SRRM3: variants seen among roughly 807,000 people sequenced by gnomAD.
The protein encoded by SRRM3 is serine/arginine repetitive matrix protein 3.
Under a neutral mutation model 66.2 loss-of-function variants are expected in SRRM3, and 27 were observed. The ratio of observed to expected loss-of-function variants is 0.41; its 90% CI spans 0.30 to 0.56. SRRM3 has a LOEUF of 0.56. SRRM3 is among the 20% of genes least tolerant of loss of function. The probability of loss-of-function intolerance (pLI) is 0.32; values close to 1 mark genes in which losing one functional copy is unlikely to be tolerated. For missense variants in SRRM3, 918 were observed against 991.9 expected (o/e 0.93, Z 1.00); for synonymous variants, 391 against 414.9 (o/e 0.94, Z 0.70).
chr7:76,259,801 T>TAGC (rs2117055279), intron 3 of SRRM3, 105 bp from the exon 4 acceptor site: 1 of 1,547,074 alleles, frequency 6.5e-7, no homozygotes, highest in East Asian at 2.3e-5. Context: ...CCCAGCCGGG[T>TAGC]AGCAGCCCGC....
At chr7:76,209,180 A>G (rs1250229892) in intron 1 of SRRM3, among the ~76,000 whole-genome samples, 15 of 152,166 alleles carry the variant, frequency 9.9e-5, no homozygotes, top group African/African-American at 3.6e-4. Context: ...AGACTATACA[A>G]TCGACATTTA....
intron 3 of SRRM3, among the ~76,000 whole-genome samples, chr7:76,249,929 C>T (rs1801534472): frequency 6.6e-6 from 1 of 151,966 alleles, no homozygotes; most frequent in Non-Finnish European, 1.5e-5. Flanking sequence ...GGGTAAAGGT[C>T]TCTTAAACAA....
chr7:76,225,640 G>A (rs182425346), intron 1 of SRRM3, among the ~76,000 whole-genome samples: 1 of 152,158 alleles, frequency 6.6e-6, no homozygotes, highest in Non-Finnish European at 1.5e-5. Context: ...CCAGTGCTCT[G>A]GGAAGCCAAG....
chr7:76,243,357 G>A (rs1801356266), intron 2 of SRRM3, among the ~76,000 whole-genome samples: 1 of 152,142 alleles, frequency 6.6e-6, no homozygotes. Flanking sequence ...GACACTCAGA[G>A]GTGGTGGTCA....
At chr7:76,234,918 T>C in intron 1 of SRRM3, 110 bp from the exon 2 acceptor site, 1 of 676,878 alleles carries the variant, frequency 1.5e-6, no homozygotes. Flanking sequence ...AGGAAGCGGA[T>C]TAGAGCCATG....
chr7:76,287,027 G>C lies in SRRM3; in HGVS notation c.*1184G>C, dbSNP rs1225347098. The C allele has an allele frequency of 2.0e-5, 3 of 152,700 alleles. No individual in the cohort carries two copies. The highest frequency in any genetic ancestry group is 7.2e-5 in the African/African-American group (3 of 41,446). 9.5% of individuals were successfully genotyped at this position (152,700 alleles called of 1,614,324 possible). On this transcript the variant is annotated 3_prime_UTR_variant, in exon 15 of 15. Transcript: ENST00000611745. ...AGCCCTCAGAAGGGAGGGGAGGAAA[G>C]AGACTGAGGGCCCTGGCCTGGGGCG...
At chr7:76,243,176 T>G (rs1372330888) in intron 2 of SRRM3, among the ~76,000 whole-genome samples, 1 of 152,104 alleles carries the variant, frequency 6.6e-6, no homozygotes, top group Non-Finnish European at 1.5e-5. Context: ...TTTCACAGAT[T>G]AGAAGCTAAG....
At position 76,283,019 on chromosome 7, in the gene SRRM3, C is replaced by G. The variant is rs1271097683; in HGVS notation, c.1651C>G (p.Arg551Gly). ...RHSEAEATRA[R>G]RRSRSYSPIR... ...CTCTGAGGCCGAGGCCACCCGCGCCCGGCGCCGCTCCCGCAGCTACTCGCC... is the reference window on the plus strand; with the variant it reads ...CTCTGAGGCCGAGGCCACCCGCGCCGGGCGCCGCTCCCGCAGCTACTCGCC... The change falls in exon 14 of 15, where the codon CGG becomes GGG. Residue 551 changes from arginine (R) to glycine (G), a missense_variant. Transcript: ENST00000611745. 4.1e-6 allele frequency: 6 copies of G among 1,476,446 alleles called. No homozygotes were observed. Among genetic ancestry groups the G allele is most frequent in the Admixed American group, 2.4e-5 (1 of 41,406 alleles). 91.5% of individuals were successfully genotyped at this position (1,476,446 alleles called of 1,614,324 possible).
chr7:76,283,351 G>T (rs56176566), intron 14 of SRRM3, among the ~76,000 whole-genome samples: 2,468 of 152,168 alleles, frequency 0.016, 29 homozygotes, highest in Non-Finnish European at 0.026. Context: ...GAAGGGCCAC[G>T]GTGGGGGCCT....
chr7:76,214,067 T>C lies in SRRM3; in HGVS notation c.-40+12000T>C, dbSNP rs184038673. Among the ~76,000 whole-genome samples, 352 of 152,200 alleles carry C rather than the reference T, an allele frequency of 2.3e-3. 3 individuals are homozygous for C. Among genetic ancestry groups the C allele is most frequent in the African/African-American group, 7.9e-3 (328 of 41,538 alleles). On this transcript the variant is annotated intron_variant, in intron 1 of 14. Coordinates refer to ENST00000611745, the MANE Select transcript of SRRM3 (RefSeq NM_001110199.3). ...TGTTGGGATTACAGGCGTGAACCAC[T>C]GCGCCCAACCCTCTCTGGGATTTTA...
At chr7:76,283,210 C>T in intron 14 of SRRM3, 109 bp downstream of exon 14, 2 of 1,105,082 alleles carry the variant, frequency 1.8e-6, no homozygotes, top group Non-Finnish European at 2.3e-6. Flanking sequence ...CTGAACCTGG[C>T]ACGGGGATGG....
intron 2 of SRRM3, among the ~76,000 whole-genome samples, chr7:76,243,245 G>A (rs1801353742): frequency 1.3e-5 from 2 of 152,152 alleles, no homozygotes; most frequent in Admixed American, 6.6e-5. Flanking sequence ...GGAGGTGCCA[G>A]GATTCAAAAG....
intron 1 of SRRM3, among the ~76,000 whole-genome samples, chr7:76,217,135 A>G (rs10952869): frequency 0.35 from 53,377 of 151,990 alleles, 11,689 homozygotes; most frequent in East Asian, 0.61. Context: ...GGGTAGGGGT[A>G]CACATCACCA....
intron 11 of SRRM3, among the ~76,000 whole-genome samples, chr7:76,271,628 G>A (rs1802216316): frequency 2.0e-5 from 3 of 152,168 alleles, no homozygotes; most frequent in Non-Finnish European, 4.4e-5. Flanking sequence ...GGGCAACAGA[G>A]CAAGACCCTG....
chr7:76,234,192 G>A (rs1202137914), intron 1 of SRRM3, among the ~76,000 whole-genome samples: 1 of 132,280 alleles, frequency 7.6e-6, no homozygotes, highest in East Asian at 2.5e-4. Flanking sequence ...AGAAGTCCTT[G>A]GAGTGTGTGT....
At position 76,260,101 on chromosome 7, in the gene SRRM3, G is replaced by A; in HGVS notation, c.465-16G>A. Reference sequence around the variant, plus strand: ...GCCCCCCCTCACCGCCCCCACCCCCGCCCCTTCTCCCCCAGGACCAAGCAT... The same window carrying A: ...GCCCCCCCTCACCGCCCCCACCCCCACCCCTTCTCCCCCAGGACCAAGCAT... On this transcript the variant is annotated splice_polypyrimidine_tract_variant and intron_variant, in intron 4 of 14. Transcript: ENST00000611745. The A allele has an allele frequency of 4.8e-6, 2 of 419,012 alleles. No homozygotes were observed. Among genetic ancestry groups the A allele is most frequent in the Non-Finnish European group, 5.9e-6 (2 of 339,600 alleles). The allele number at this position is 419,012 out of a possible 1,614,324, so 26.0% of individuals were successfully genotyped here. A position where few individuals can be genotyped will look rare whatever the true frequency, so the allele number is the denominator to read the frequency against.
At position 76,248,106 on chromosome 7, in the gene SRRM3, C is replaced by T. The variant is rs1355096576; in HGVS notation, c.234-82C>T. The T allele has an allele frequency of 1.2e-5, 13 of 1,087,804 alleles. No homozygotes were observed. In the South Asian group the frequency reaches 1.4e-4, roughly 12 times the overall value. 67.4% of individuals were successfully genotyped at this position (1,087,804 alleles called of 1,614,324 possible). A position where few individuals can be genotyped will look rare whatever the true frequency, so the allele number is the denominator to read the frequency against. On this transcript the variant is annotated intron_variant, in intron 2 of 14. Coordinates refer to ENST00000611745, the MANE Select transcript of SRRM3 (RefSeq NM_001110199.3). ...TGTGCACTTGTGACCCAGGGGTTGG[C>T]GGGGCTGGGCTGAGTGCGGGGCAGG...
At chr7:76,260,934 G>C in intron 6 of SRRM3, 31 bp downstream of exon 6, 1 of 1,553,374 alleles carries the variant, frequency 6.4e-7, no homozygotes, top group South Asian at 1.2e-5. Context: ...CTGGGGCCAG[G>C]GCGGGGGATG....
rs1215649029 is a variant in SRRM3 at position 76,265,390 on chromosome 7, G to A, written c.752G>A (p.Arg251Lys). Reference protein sequence around the residue: ...KRPHTESPGRRSHRHSSGSSH... With the variant: ...KRPHTESPGRKSHRHSSGSSH... The stretch of plus-strand genomic sequence containing the variant: ...CCTCACACAGAGTCCCCAGGCCGGA[G>A]GTCTCATCGCCATAGCAGTGGCAGC... Residue 251 changes from arginine to lysine, a missense_variant, in exon 10 of 15, where the codon AGG (arginine) becomes AAG (lysine). Coordinates refer to ENST00000611745, the MANE Select transcript of SRRM3 (RefSeq NM_001110199.3). The A allele has an allele frequency of 6.2e-7, 1 of 1,603,194 alleles. No individual in the cohort carries two copies. The highest frequency in any genetic ancestry group is 8.5e-7 in the Non-Finnish European group (1 of 1,175,374).
Sources: allele counts gnomAD v4.1 joint callset (sites outside exome capture counted in the v4.1 genomes callset), GRCh38; gene constraint gnomAD v4.1.1; transcripts MANE v1.5; gene names NCBI Gene and HGNC (gene_info 2026-07-23, HGNC 2026-07-21).